The following VWA8 variants were observed in gnomAD, a reference collection of about 807,000 sequenced individuals.
VWA8 encodes von Willebrand factor A domain containing 8.
A neutral mutation model predicts 241.5 loss-of-function variants in VWA8; 221 were observed. The observed-to-expected ratio is 0.91, with a 90% CI of 0.82 to 1.02. The LOEUF is 1.02. Ranked by LOEUF, VWA8 falls within the 50% of genes least tolerant of loss-of-function variation. The pLI is 0.00. For synonymous variants in VWA8, 852 were observed against 827.1 expected, an observed-to-expected ratio of 1.03 and a Z score of -0.52; for missense variants, 2,322 against 2,328.7, an observed-to-expected ratio of 1.00 and a Z score of 0.06.
intron 29 of VWA8, among the ~76,000 whole-genome samples, chr13:41,693,886 G>A (rs2045195819): frequency 6.6e-6 from 1 of 151,976 alleles, no homozygotes; most frequent in Non-Finnish European, 1.5e-5. Context: ...AGACCTCATT[G>A]TTATGCGGGT....
At chr13:41,772,990 A>G (rs1868393219) in intron 20 of VWA8, among the ~76,000 whole-genome samples, 1 of 152,230 alleles carries the variant, frequency 6.6e-6, no homozygotes, top group African/African-American at 2.4e-5. Flanking sequence ...TATAATTTCA[A>G]GTGTTGAAAC....
chr13:41,734,458 T>A (rs2045509643), intron 21 of VWA8, among the ~76,000 whole-genome samples: 1 of 152,214 alleles, frequency 6.6e-6, no homozygotes, highest in Non-Finnish European at 1.5e-5. Flanking sequence ...TGATGGTTTA[T>A]GTCCAAGATG....
chr13:41,890,497 A>G lies in VWA8; in HGVS notation c.651+923T>C, dbSNP rs754722192. 1.7e-4 allele frequency among the ~76,000 whole-genome samples: 26 copies of G among 152,332 alleles called. 1 individual carries two copies. Among genetic ancestry groups the G allele is most frequent in the Admixed American group, 7.8e-4 (12 of 15,296 alleles). On this transcript the variant is annotated intron_variant, in intron 5 of 44. Transcript: ENST00000379310. The stretch of plus-strand genomic sequence containing the variant: ...GTCATTTGTGACATTACATGAACCC[A>G]TCTCCCAAGCCTCTGAAGAGTCCCC...
rs2044271545 is a variant in VWA8 at position 41,567,876 on chromosome 13, C to T, written c.*321G>A. The T allele has an allele frequency of 4.5e-6, 1 of 222,308 alleles. No individual in the cohort carries two copies. Among genetic ancestry groups the T allele is most frequent in the Non-Finnish European group, 8.8e-6 (1 of 113,930 alleles). 13.8% of individuals were successfully genotyped at this position (222,308 alleles called of 1,614,324 possible). A position where few individuals can be genotyped will look rare whatever the true frequency, so the allele number is the denominator to read the frequency against. Reference sequence around the variant, plus strand: ...AAGGCAAAAGCAAAGTATTTTCTCCCCCTCAGGTTTTTGGAAATAGACCAA... The same window carrying T: ...AAGGCAAAAGCAAAGTATTTTCTCCTCCTCAGGTTTTTGGAAATAGACCAA... On this transcript the variant is annotated 3_prime_UTR_variant, in exon 45 of 45. Coordinates refer to ENST00000379310, the MANE Select transcript of VWA8 (RefSeq NM_015058.2).
At chr13:41,697,965 A>C (rs566182400) in intron 29 of VWA8, among the ~76,000 whole-genome samples, 1 of 152,102 alleles carries the variant, frequency 6.6e-6, no homozygotes, top group East Asian at 1.9e-4. Flanking sequence ...TGGGCCTTTA[A>C]ACCTACTATT....
chr13:41,737,698 A>G (rs140955864), intron 21 of VWA8, among the ~76,000 whole-genome samples: 1,654 of 152,336 alleles, frequency 0.011, 34 homozygotes, highest in African/African-American at 0.038. Flanking sequence ...GTAAATTTCA[A>G]ATGTTCTCAT....
intron 21 of VWA8, among the ~76,000 whole-genome samples, chr13:41,733,086 A>G (rs1252990337): frequency 6.6e-6 from 1 of 152,206 alleles, no homozygotes; most frequent in Non-Finnish European, 1.5e-5. Context: ...TGTTGTTTTG[A>G]CTATCTACTA....
In VWA8 at chr13:41,944,806, C is replaced by T. The variant is rs144986434; in HGVS notation, c.241+5130G>A. Among the ~76,000 whole-genome samples, 15 of 151,334 alleles carry T rather than the reference C, an allele frequency of 9.9e-5. No homozygotes were observed. The East Asian group carries it at 2.9e-3, about 29-fold the overall frequency. On this transcript the variant is annotated intron_variant, in intron 2 of 44. Coordinates refer to ENST00000379310, the MANE Select transcript of VWA8 (RefSeq NM_015058.2). ...ACTCAGAGCTACTGTATGCAAACAG[C>T]ACTAACTCGGGGCATTTGTCAAAAA...
intron 5 of VWA8, among the ~76,000 whole-genome samples, chr13:41,889,965 C>T (rs1474805564): frequency 6.6e-6 from 1 of 152,158 alleles, no homozygotes; most frequent in African/African-American, 2.4e-5. Context: ...AAGTTAAAAG[C>T]TTTCATTTTG....
At chr13:41,659,373 T>A (rs34776242) in intron 37 of VWA8, among the ~76,000 whole-genome samples, 2,905 of 152,324 alleles carry the variant, frequency 0.019, 54 homozygotes, top group African/African-American at 0.051. Flanking sequence ...AACAGTACCT[T>A]TCATATAGTG....
intron 9 of VWA8, among the ~76,000 whole-genome samples, chr13:41,881,527 G>A (rs1193723753): frequency 4.5e-5 from 6 of 134,274 alleles, no homozygotes; most frequent in Non-Finnish European, 9.8e-5. Context: ...CCCCCCTTCT[G>A]TTCCACAAAA....
chr13:41,680,023 A>G (rs533837484), intron 35 of VWA8, among the ~76,000 whole-genome samples: 1 of 151,764 alleles, frequency 6.6e-6, no homozygotes, highest in South Asian at 2.1e-4. Flanking sequence ...TCATTCCCCA[A>G]TCCCCCACTC....
chr13:41,840,756 C>CAA (rs35181218), intron 12 of VWA8, among the ~76,000 whole-genome samples: 2 of 107,566 alleles, frequency 1.9e-5, no homozygotes, highest in African/African-American at 3.5e-5. Context: ...GAGACCGTCT[C>CAA]AAAAAAAAAA....
At chr13:41,868,836 C>T (rs947814989) in intron 9 of VWA8, among the ~76,000 whole-genome samples, 12 of 144,302 alleles carry the variant, frequency 8.3e-5, no homozygotes, top group Admixed American at 7.1e-4. Flanking sequence ...TGCAGTGAGC[C>T]GAGATCGCGC....
At chr13:41,812,279 T>C (rs1474722521) in intron 16 of VWA8, among the ~76,000 whole-genome samples, 1 of 152,182 alleles carries the variant, frequency 6.6e-6, no homozygotes, top group Non-Finnish European at 1.5e-5. Flanking sequence ...TGATGGGACC[T>C]ACATATTAGC....
In VWA8 at chr13:41,570,687, TGA is replaced by T. The variant is rs1566370538; in HGVS notation, c.5388_5389del (p.Gln1797ValfsTer25). ...CGTGTGGTCCCCACTCATGCAGAAC[TGA>T]GAGTGGGCATGCATTGTCTGGAGGT... On this transcript the variant is annotated frameshift_variant, in exon 44 of 45. Transcript: ENST00000379310. LOFTEE classifies it high-confidence loss of function. 1.2e-6 allele frequency: 2 copies of T among 1,613,958 alleles called. No homozygotes were observed. Among genetic ancestry groups the T allele is most frequent in the Non-Finnish European group, 1.7e-6 (2 of 1,179,800 alleles).
chr13:41,853,422 T>C, intron 12 of VWA8, among the ~76,000 whole-genome samples: 1 of 152,182 alleles, frequency 6.6e-6, no homozygotes, highest in East Asian at 1.9e-4. Context: ...CCTCTTTTTC[T>C]ATTTTTTTAA....
In VWA8 at chr13:41,801,515, T is replaced by C. The variant is rs182081260; in HGVS notation, c.2063+9710A>G. On this transcript the variant is annotated intron_variant, in intron 17 of 44. Transcript: ENST00000379310. ...GAATGGACAACAAGCATAGTCACCA[T>C]AAAAATAATTACTAGATCATATGAA... 2.0e-5 allele frequency among the ~76,000 whole-genome samples: 3 copies of C among 152,310 alleles called. No individual in the cohort carries two copies. The East Asian group carries it at 5.8e-4, about 29-fold the overall frequency.
intron 21 of VWA8, among the ~76,000 whole-genome samples, chr13:41,741,224 CCAG>C (rs1232485879): frequency 2.0e-5 from 3 of 152,122 alleles, no homozygotes; most frequent in Admixed American, 6.5e-5. Context: ...AGAAAAGTAA[CCAG>C]CACGTAGTAG....
Sources: allele counts gnomAD v4.1 joint callset (sites outside exome capture counted in the v4.1 genomes callset), GRCh38; gene constraint gnomAD v4.1.1; transcripts MANE v1.5; gene names NCBI Gene and HGNC (gene_info 2026-07-23, HGNC 2026-07-21).